SHROOM3: variants seen among roughly 807,000 people sequenced by gnomAD.
The protein encoded by SHROOM3 is protein Shroom3.
Under a neutral mutation model 138.6 loss-of-function variants are expected in SHROOM3, and 47 were observed. The ratio of observed to expected loss-of-function variants is 0.34; its 90% CI spans 0.27 to 0.43. The LOEUF (loss-of-function observed/expected upper bound fraction) is 0.43. Ranked by LOEUF, SHROOM3 falls within the 20% of genes least tolerant of loss-of-function variation. SHROOM3 has a pLI of 1.00. For synonymous variants in SHROOM3, 1,062 were observed against 1,063.3 expected, an observed-to-expected ratio of 1.00 and a Z score of 0.02; for missense variants, 2,491 against 2,596.5, an observed-to-expected ratio of 0.96 and a Z score of 0.88.
At chr4:76,458,154 C>T (rs983476599) in intron 1 of SHROOM3, among the ~76,000 whole-genome samples, 1 of 152,130 alleles carries the variant, frequency 6.6e-6, no homozygotes, top group African/African-American at 2.4e-5. Context: ...AGTGCAAGAA[C>T]GGACTAATAC....
intron 2 of SHROOM3, among the ~76,000 whole-genome samples, chr4:76,708,642 A>G (rs1720135784): frequency 6.6e-6 from 1 of 152,114 alleles, no homozygotes; most frequent in African/African-American, 2.4e-5. Context: ...CTTTCAATCT[A>G]CTTTCTAGTC....
At chr4:76,669,840 C>T (rs558726196) in intron 2 of SHROOM3, among the ~76,000 whole-genome samples, 46 of 152,302 alleles carry the variant, frequency 3.0e-4, no homozygotes, top group African/African-American at 8.2e-4. Context: ...TGCTCAAAAA[C>T]GGGCCTAACT....
At chr4:76,482,221 G>A (rs936477507) in intron 1 of SHROOM3, among the ~76,000 whole-genome samples, 10 of 152,142 alleles carry the variant, frequency 6.6e-5, no homozygotes, top group African/African-American at 1.2e-4. Context: ...AATTGTCTCC[G>A]TTTGCAGATG....
At chr4:76,526,774 A>G (rs888413048) in intron 1 of SHROOM3, among the ~76,000 whole-genome samples, 3 of 152,060 alleles carry the variant, frequency 2.0e-5, no homozygotes, top group Non-Finnish European at 4.4e-5. Context: ...TAGGAGTGGT[A>G]TGCAAGAGAG....
chr4:76,497,455 G>A (rs1158773008), intron 1 of SHROOM3, among the ~76,000 whole-genome samples: 3 of 152,178 alleles, frequency 2.0e-5, no homozygotes, highest in East Asian at 3.8e-4. Context: ...AATAAAAACA[G>A]AGGAACATAA....
At position 76,754,926 on chromosome 4, in the gene SHROOM3, T is replaced by C; in HGVS notation, c.4443T>C (p.Thr1481=). The change falls in exon 7 of 11, where the codon ACT becomes ACC. Residue 1481 remains threonine (T), a synonymous_variant. Coordinates refer to ENST00000296043, the MANE Select transcript of SHROOM3 (RefSeq NM_020859.4). ...DPDTPLGAPS[T]PGRISLRISE... ...ACACACCTCTTGGGGCCCCGAGCAC[T>C]CCAGGGAGGATCTCCCTCCGAATAT... The C allele has an allele frequency of 1.2e-6, 2 of 1,614,094 alleles. No homozygotes were observed. The highest frequency in any genetic ancestry group is 1.7e-5 in the Admixed American group (1 of 60,032).
At chr4:76,438,114 C>T (rs1354095610) in intron 1 of SHROOM3, among the ~76,000 whole-genome samples, 1 of 152,134 alleles carries the variant, frequency 6.6e-6, no homozygotes, top group East Asian at 1.9e-4. Context: ...TAGTAGGAGA[C>T]AGGTCTGGCT....
chr4:76,564,822 G>A (rs1202770923), intron 2 of SHROOM3, among the ~76,000 whole-genome samples: 1 of 152,154 alleles, frequency 6.6e-6, no homozygotes, highest in African/African-American at 2.4e-5. Flanking sequence ...CCAGACAGGA[G>A]CCAACCTTCT....
chr4:76,591,407 T>G (rs1411793385), intron 2 of SHROOM3, among the ~76,000 whole-genome samples: 3 of 152,254 alleles, frequency 2.0e-5, no homozygotes, highest in Non-Finnish European at 4.4e-5. Context: ...AACATTTTCA[T>G]GAGAACTTTT....
chr4:76,621,830 C>A (rs201803623), intron 2 of SHROOM3, among the ~76,000 whole-genome samples: 1 of 133,382 alleles, frequency 7.5e-6, no homozygotes, highest in Admixed American at 7.6e-5. Flanking sequence ...TTTGAATGTT[C>A]TTTTTTTTTT....
At chr4:76,647,359 G>A (rs1355338692) in intron 2 of SHROOM3, among the ~76,000 whole-genome samples, 2 of 152,096 alleles carry the variant, frequency 1.3e-5, no homozygotes, top group Non-Finnish European at 2.9e-5. Context: ...GCAGAGTGGG[G>A]TGACTATAGT....
intron 1 of SHROOM3, among the ~76,000 whole-genome samples, chr4:76,546,646 T>C: frequency 6.6e-6 from 1 of 152,234 alleles, no homozygotes; most frequent in East Asian, 1.9e-4. Flanking sequence ...GAGAGATTCT[T>C]GACGTCTTTT....
intron 1 of SHROOM3, among the ~76,000 whole-genome samples, chr4:76,441,088 T>TTG (rs1424576760): frequency 7.4e-5 from 9 of 122,050 alleles, no homozygotes; most frequent in African/African-American, 2.6e-4. Context: ...TTCAATTTGT[T>TTG]TTTTTTTTTT....
At chr4:76,626,564 A>T (rs2110069620) in intron 2 of SHROOM3, among the ~76,000 whole-genome samples, 1 of 152,358 alleles carries the variant, frequency 6.6e-6, no homozygotes, top group Admixed American at 6.5e-5. Flanking sequence ...GCATAATCTT[A>T]GTTTAACATG....
rs561273150 is a variant in SHROOM3, at chr4:76,478,755, C to T, written c.168+42535C>T. On this transcript the variant is annotated intron_variant, in intron 1 of 10. Transcript: ENST00000296043. ...TCCGGCTGGCATCTGACAGGTGCCC[C>T]TCTGGGATGAAGCTTCCAGAGGAAG... Among the ~76,000 whole-genome samples, 75 of 152,270 alleles carry T rather than the reference C, an allele frequency of 4.9e-4. 1 individual carries two copies. Among genetic ancestry groups the T allele is most frequent in the Admixed American group, 5.9e-4 (9 of 15,298 alleles).
chr4:76,485,510 C>A (rs1410314518), intron 1 of SHROOM3, among the ~76,000 whole-genome samples: 1 of 152,118 alleles, frequency 6.6e-6, no homozygotes, highest in African/African-American at 2.4e-5. Flanking sequence ...TTTGTAGAAG[C>A]TTTGATCGTT....
At chr4:76,513,498 G>C (rs1732380916) in intron 1 of SHROOM3, among the ~76,000 whole-genome samples, 1 of 152,144 alleles carries the variant, frequency 6.6e-6, no homozygotes, top group Non-Finnish European at 1.5e-5. Flanking sequence ...ATTTTTAGTA[G>C]AGATGGGGTT....
At chr4:76,702,473 A>G (rs1487564298) in intron 2 of SHROOM3, among the ~76,000 whole-genome samples, 1 of 152,232 alleles carries the variant, frequency 6.6e-6, no homozygotes, top group Non-Finnish European at 1.5e-5. Flanking sequence ...CAAGCCTCAC[A>G]TCTACCCTTT....
At chr4:76,482,240 G>A (rs549225859) in intron 1 of SHROOM3, among the ~76,000 whole-genome samples, 2 of 152,250 alleles carry the variant, frequency 1.3e-5, no homozygotes, top group Non-Finnish European at 2.9e-5. Context: ...TGACATGATT[G>A]TATATTTAGA....
Sources: allele counts gnomAD v4.1 joint callset (sites outside exome capture counted in the v4.1 genomes callset), GRCh38; gene constraint gnomAD v4.1.1; transcripts MANE v1.5; gene names NCBI Gene and HGNC (gene_info 2026-07-23, HGNC 2026-07-21).